RUFY2: variants seen among roughly 807,000 people sequenced by gnomAD.
RUFY2 encodes the protein RUN and FYVE domain containing 2, also known as RUN and FYVE domain-containing protein 2.
RUFY2 carries 49 observed loss-of-function variants against 94.4 expected under a neutral mutation model. That is an observed-to-expected ratio of 0.52 (90% CI 0.41 to 0.66). RUFY2 has a LOEUF of 0.66. Among genes scored for constraint, RUFY2 ranks in the 30% least tolerant of loss-of-function variants. The pLI, the probability that RUFY2 is intolerant of heterozygous loss-of-function variation, is 0.00. For synonymous variants in RUFY2, 255 were observed against 235.7 expected (o/e 1.08, Z -0.75); for missense variants, 541 against 692.8 (o/e 0.78, Z 2.46).
chr10:68,370,920 C>G (rs1039538863), intron 13 of RUFY2, among the ~76,000 whole-genome samples: 14 of 151,572 alleles, frequency 9.2e-5, no homozygotes, highest in Non-Finnish European at 1.8e-4. Context: ...GTCACAAGGT[C>G]AAGAGATCGA....
At chr10:68,342,159 G>T, downstream of RUFY2, 1 of 714,234 alleles carries the variant, frequency 1.4e-6, no homozygotes, top group East Asian at 3.0e-5. Flanking sequence ...AATGACTGAA[G>T]GAATGTGTTT....
At chr10:68,407,089 C>T in intron 1 of RUFY2, 97 bp downstream of exon 1, 1 of 1,503,574 alleles carries the variant, frequency 6.7e-7, no homozygotes. Flanking sequence ...GACTGGCGGC[C>T]TCGGCGTCTC....
chr10:68,400,879 G>T (rs564556765), intron 3 of RUFY2, among the ~76,000 whole-genome samples: 96 of 152,078 alleles, frequency 6.3e-4, no homozygotes, highest in Admixed American at 1.1e-3. Flanking sequence ...CGGGCGTGGT[G>T]GCGGGCGCCT....
chr10:68,354,487 A>G (rs2046909460), intron 16 of RUFY2, among the ~76,000 whole-genome samples: 1 of 152,140 alleles, frequency 6.6e-6, no homozygotes, highest in Non-Finnish European at 1.5e-5. Context: ...TTTGATTTTA[A>G]AAAATGAAGT....
In RUFY2 at chr10:68,345,536, C is replaced by G; in HGVS notation, c.*232G>C. 1 of 475,870 alleles carries G rather than the reference C, an allele frequency of 2.1e-6. No individual in the cohort carries two copies. The allele number at this position is 475,870 out of a possible 1,614,324, so 29.5% of individuals were successfully genotyped here. On this transcript the variant is annotated 3_prime_UTR_variant, in exon 18 of 18. Transcript: ENST00000602465. Reference sequence around the variant, plus strand: ...AGTTGTGTTAGCTCTGCTCTCTGGCCTTTTAATGAGTTACATGATTTTTAA... The same window carrying G: ...AGTTGTGTTAGCTCTGCTCTCTGGCGTTTTAATGAGTTACATGATTTTTAA...
At chr10:68,387,026 T>C (rs558874076) in intron 7 of RUFY2, among the ~76,000 whole-genome samples, 3 of 152,288 alleles carry the variant, frequency 2.0e-5, no homozygotes, top group South Asian at 2.1e-4. Context: ...TTTTGCATTT[T>C]TGTTTAAATG....
chr10:68,360,849 G>C (rs2047411560), intron 15 of RUFY2, among the ~76,000 whole-genome samples: 1 of 151,912 alleles, frequency 6.6e-6, no homozygotes, highest in Non-Finnish European at 1.5e-5. Context: ...AGTGAGCCAA[G>C]ATCACACCAC....
intron 3 of RUFY2, 102 bp downstream of exon 3, chr10:68,401,518 C>A: frequency 1.4e-6 from 1 of 700,096 alleles, no homozygotes. Context: ...AAGAAGGGGA[C>A]TTAAGACTAA....
At chr10:68,382,723 A>C (rs1249143657) in intron 10 of RUFY2, among the ~76,000 whole-genome samples, 1 of 133,630 alleles carries the variant, frequency 7.5e-6, no homozygotes, top group African/African-American at 3.4e-5. Context: ...CAAAAAAAAA[A>C]AAAAAGAAAA....
intron 15 of RUFY2, among the ~76,000 whole-genome samples, chr10:68,357,832 T>C (rs1420216785): frequency 4.6e-5 from 7 of 152,194 alleles, no homozygotes; most frequent in Non-Finnish European, 1.0e-4. Context: ...GTATATATAA[T>C]TATCTACTGT....
chr10:68,362,349 C>T (rs564883104), intron 15 of RUFY2, among the ~76,000 whole-genome samples: 2 of 151,144 alleles, frequency 1.3e-5, no homozygotes, highest in African/African-American at 2.4e-5. Flanking sequence ...TAAAAATAAA[C>T]AAAAAATATT....
At chr10:68,391,704 A>G (rs930833235) in intron 7 of RUFY2, among the ~76,000 whole-genome samples, 1 of 148,630 alleles carries the variant, frequency 6.7e-6, no homozygotes, top group Admixed American at 6.8e-5. Context: ...TCACGCCTGT[A>G]ATCCTAGGAC....
intron 11 of RUFY2, among the ~76,000 whole-genome samples, chr10:68,380,490 T>C (rs946038046): frequency 6.6e-6 from 1 of 151,984 alleles, no homozygotes; most frequent in African/African-American, 2.4e-5. Flanking sequence ...TCTTGTAAAA[T>C]ATGACATTTT....
At chr10:68,353,490 C>A (rs1487720437) in intron 16 of RUFY2, among the ~76,000 whole-genome samples, 1 of 151,638 alleles carries the variant, frequency 6.6e-6, no homozygotes, top group African/African-American at 2.4e-5. Context: ...AAGCAAGACT[C>A]CGTCTCAAAA....
intron 16 of RUFY2, among the ~76,000 whole-genome samples, chr10:68,348,183 G>A (rs981413075): frequency 6.7e-6 from 1 of 148,674 alleles, no homozygotes; most frequent in Admixed American, 6.9e-5. Flanking sequence ...TTGAATCATA[G>A]AATTTTTTTT....
downstream of RUFY2, chr10:68,342,041 G>A (rs758292932): frequency 6.2e-7 from 1 of 1,613,530 alleles, no homozygotes; most frequent in South Asian, 1.1e-5. Flanking sequence ...GGTGGATGGC[G>A]TGGGATGTAC....
At position 68,378,578 on chromosome 10, in the gene RUFY2, T is replaced by G. The variant is rs773619533; in HGVS notation, c.1205+846A>C. The G allele has an allele frequency of 3.8e-6, 6 of 1,598,518 alleles. No homozygotes were observed. The South Asian group carries it at 6.8e-5, about 18-fold the overall frequency. On this transcript the variant is annotated intron_variant, in intron 12 of 17. Coordinates refer to ENST00000602465, the MANE Select transcript of RUFY2 (RefSeq NM_001330103.2). ...AAGTGGTCTTCAGAAAGATATATCT[T>G]TAACCAGCTTGTACTGGTCCTGCGT...
At chr10:68,367,860 A>G (rs914659081) in intron 13 of RUFY2, among the ~76,000 whole-genome samples, 2 of 151,418 alleles carry the variant, frequency 1.3e-5, no homozygotes, top group African/African-American at 2.4e-5. Flanking sequence ...TTAGCCTCCT[A>G]AAGTGCTGGG....
At chr10:68,391,653 CAAAAA>C (rs1230935983) in intron 7 of RUFY2, among the ~76,000 whole-genome samples, 1 of 28,786 alleles carries the variant, frequency 3.5e-5, no homozygotes, top group Non-Finnish European at 6.4e-5. Context: ...GACCCTGTCT[CAAAAA>C]AAAAAAAAAA....
Sources: gnomAD v4.1 joint callset for allele counts (sites outside exome capture counted in the v4.1 genomes callset) on GRCh38, gnomAD v4.1.1 for gene constraint, MANE v1.5 for transcripts, NCBI Gene and HGNC (gene_info 2026-07-23, HGNC 2026-07-21) for gene names.